Variants in WWTR1 observed in about 807,000 individuals in gnomAD.
WWTR1 encodes the protein WW domain containing transcription regulator 1.
In WWTR1, 13 loss-of-function variants were observed where a neutral mutation model predicts 40.1. The ratio of observed to expected loss-of-function variants is 0.32; its 90% confidence interval spans 0.21 to 0.52. The LOEUF (loss-of-function observed/expected upper bound fraction) is 0.52, where lower values mean the gene tolerates loss of function less well. Ranked by LOEUF, WWTR1 falls within the 20% of genes least tolerant of loss-of-function variation. WWTR1 has a pLI of 0.97. For synonymous variants in WWTR1, 230 were observed against 210.1 expected (o/e 1.09, Z -0.82); for missense variants, 436 against 523.1 (o/e 0.83, Z 1.63).
intron 2 of WWTR1, among the ~76,000 whole-genome samples, chr3:149,619,798 G>C (rs762764465): frequency 6.6e-6 from 1 of 152,176 alleles, no homozygotes; most frequent in South Asian, 2.1e-4. Context: ...CCAAAAATGT[G>C]GTGGCCCCAG....
intron 2 of WWTR1, among the ~76,000 whole-genome samples, chr3:149,589,918 C>T (rs1456310807): frequency 1.3e-5 from 2 of 152,056 alleles, no homozygotes; most frequent in Non-Finnish European, 2.9e-5. Flanking sequence ...TCTGTAAGTA[C>T]TCATAAAACT....
At chr3:149,719,484 T>C (rs1334140363) in intron 4 of WWTR1, among the ~76,000 whole-genome samples, 1 of 152,182 alleles carries the variant, frequency 6.6e-6, no homozygotes, top group Non-Finnish European at 1.5e-5. Context: ...GGCTGAACAA[T>C]ATTCTATTGT....
upstream of WWTR1, among the ~76,000 whole-genome samples, chr3:149,703,638 T>C (rs944182546): frequency 2.6e-5 from 4 of 152,080 alleles, no homozygotes; most frequent in African/African-American, 7.2e-5. Context: ...GTGTTGGAGG[T>C]GGGCCTCTTG....
Position 149,543,029 on chromosome 3 carries a change from C to T in WWTR1, c.569-492G>A, listed in dbSNP as rs76924838. On this transcript the variant is annotated intron_variant, in intron 3 of 6. Coordinates refer to ENST00000360632, the MANE Select transcript of WWTR1 (RefSeq NM_015472.6). ...AACACAAAGCACCTAGATCAGGAGCCGACATATAAGGAGGACTCCATTAAT... is the reference window on the plus strand; with the variant it reads ...AACACAAAGCACCTAGATCAGGAGCTGACATATAAGGAGGACTCCATTAAT... 7.1e-3 allele frequency among the ~76,000 whole-genome samples: 1,074 copies of T among 152,124 alleles called. 17 individuals are homozygous for T. Among genetic ancestry groups the T allele is most frequent in the East Asian group, 0.067 (347 of 5,174 alleles).
chr3:149,609,651 T>C (rs1739644648), intron 2 of WWTR1, among the ~76,000 whole-genome samples: 1 of 152,150 alleles, frequency 6.6e-6, no homozygotes, highest in African/African-American at 2.4e-5. Flanking sequence ...GCCCATGAAG[T>C]CTAAACTATT....
At chr3:149,610,991 ATT>A (rs397691236) in intron 2 of WWTR1, among the ~76,000 whole-genome samples, 4 of 151,220 alleles carry the variant, frequency 2.6e-5, no homozygotes, top group Admixed American at 1.3e-4. Context: ...AAAAAAAAAA[ATT>A]TTTTTTAAAT....
chr3:149,626,294 C>G (rs909726902), intron 2 of WWTR1, among the ~76,000 whole-genome samples: 1 of 152,110 alleles, frequency 6.6e-6, no homozygotes, highest in Non-Finnish European at 1.5e-5. Flanking sequence ...AGAAAGAGTA[C>G]CAAAAACCCA....
upstream of WWTR1, among the ~76,000 whole-genome samples, chr3:149,704,529 C>T (rs529435940): frequency 6.6e-6 from 1 of 152,262 alleles, no homozygotes; most frequent in East Asian, 1.9e-4. Context: ...TGAAAAAAGG[C>T]TTATATAATG....
chr3:149,667,888 T>C (rs963132098), intron 2 of WWTR1, among the ~76,000 whole-genome samples: 1 of 152,168 alleles, frequency 6.6e-6, no homozygotes, highest in East Asian at 1.9e-4. Flanking sequence ...CTGAAGATAT[T>C]TGAAAAGAGA....
At chr3:149,638,324 C>A (rs577503472) in intron 2 of WWTR1, among the ~76,000 whole-genome samples, 1 of 152,206 alleles carries the variant, frequency 6.6e-6, no homozygotes, top group East Asian at 1.9e-4. Flanking sequence ...TCCTTCAGGC[C>A]TGTTTATTAA....
At chr3:149,543,190 A>G (rs569695887) in intron 3 of WWTR1, among the ~76,000 whole-genome samples, 17 of 152,366 alleles carry the variant, frequency 1.1e-4, no homozygotes, top group Non-Finnish European at 2.2e-4. Flanking sequence ...GAAATGCTAA[A>G]CATGTTGTGC....
intron 2 of WWTR1, among the ~76,000 whole-genome samples, chr3:149,611,985 T>G (rs953746929): frequency 6.6e-6 from 1 of 152,192 alleles, no homozygotes; most frequent in Admixed American, 6.5e-5. Context: ...CTATTCCTAC[T>G]TGACAAATGA....
chr3:149,585,324 G>A (rs1458426408), intron 2 of WWTR1, among the ~76,000 whole-genome samples: 2 of 151,994 alleles, frequency 1.3e-5, no homozygotes, highest in Admixed American at 6.6e-5. Context: ...TAGTAGAGAC[G>A]GGGTTTCACC....
intron 2 of WWTR1, among the ~76,000 whole-genome samples, chr3:149,627,887 A>G (rs1740645073): frequency 6.6e-6 from 1 of 151,838 alleles, no homozygotes; most frequent in Non-Finnish European, 1.5e-5. Context: ...TAGCCTGATC[A>G]ACATGGAGAA....
intron 3 of WWTR1, among the ~76,000 whole-genome samples, chr3:149,543,761 A>G (rs1736247514): frequency 6.6e-6 from 1 of 151,218 alleles, no homozygotes; most frequent in Non-Finnish European, 1.5e-5. Flanking sequence ...AATAAAGAAA[A>G]CCATGCTTTT....
chr3:149,620,994 T>C (rs910268614), intron 2 of WWTR1, among the ~76,000 whole-genome samples: 2 of 152,212 alleles, frequency 1.3e-5, no homozygotes, highest in African/African-American at 4.8e-5. Context: ...TCACCCTTGA[T>C]AGGAACAATT....
At chr3:149,585,120 T>TTGTGTGTG (rs1560072234) in intron 2 of WWTR1, among the ~76,000 whole-genome samples, 4 of 78,746 alleles carry the variant, frequency 5.1e-5, no homozygotes, top group Admixed American at 1.3e-4. Context: ...TTGATTTCTT[T>TTGTGTGTG]CGTGTGTGTG....
At chr3:149,576,523 T>C (rs1737887986) in intron 2 of WWTR1, among the ~76,000 whole-genome samples, 1 of 152,200 alleles carries the variant, frequency 6.6e-6, no homozygotes, top group African/African-American at 2.4e-5. Flanking sequence ...CCTTCCTGGC[T>C]TCACTCCCTT....
intron 2 of WWTR1, among the ~76,000 whole-genome samples, chr3:149,584,638 AAC>A (rs1325316444): frequency 6.6e-6 from 1 of 152,176 alleles, no homozygotes; most frequent in Non-Finnish European, 1.5e-5. Flanking sequence ...ATTATCAGGA[AAC>A]ACAGCTTATG....
Sources: gnomAD v4.1 joint callset for allele counts (sites outside exome capture counted in the v4.1 genomes callset) on GRCh38, gnomAD v4.1.1 for gene constraint, MANE v1.5 for transcripts, NCBI Gene and HGNC (gene_info 2026-07-23, HGNC 2026-07-21) for gene names.